Variants in PALS2 observed in about 807,000 individuals in gnomAD.
PALS2 encodes protein associated with LIN7 2, MAGUK p55 family member.
A neutral mutation model predicts 61.6 loss-of-function variants in PALS2; 27 were observed. The observed-to-expected ratio is 0.44, with a 90% CI of 0.32 to 0.60. The LOEUF (loss-of-function observed/expected upper bound fraction) is 0.60, where lower values mean the gene tolerates loss of function less well. Among genes scored for constraint, PALS2 ranks in the 20% least tolerant of loss-of-function variants. PALS2 has a pLI of 0.05. For missense variants in PALS2, 554 were observed against 639.4 expected, an observed-to-expected ratio of 0.87 and a Z score of 1.44; for synonymous variants, 236 against 218.6, an observed-to-expected ratio of 1.08 and a Z score of -0.70.
In PALS2 at chr7:24,688,776, T is replaced by C. The variant is rs902661448; in HGVS notation, c.*1162T>C. The C allele has an allele frequency of 6.6e-6, 1 of 150,654 alleles. No homozygotes were observed. The highest frequency in any genetic ancestry group is 2.4e-5 in the African/African-American group (1 of 41,164). 9.3% of individuals were successfully genotyped at this position (150,654 alleles called of 1,614,324 possible). A position where few individuals can be genotyped will look rare whatever the true frequency, so the allele number is the denominator to read the frequency against. On this transcript the variant is annotated 3_prime_UTR_variant, in exon 12 of 12. Transcript: ENST00000222644. ...TATATAATATATATAAAATGTTTTG[T>C]ATATTTTTTACATATCTGTTAAAAA...
intron 9 of PALS2, among the ~76,000 whole-genome samples, chr7:24,675,761 T>C (rs921383878): frequency 7.7e-6 from 1 of 129,522 alleles, no homozygotes; most frequent in Non-Finnish European, 1.6e-5. Flanking sequence ...ATGGTGTATA[T>C]GTGCCACATT....
At position 24,679,280 on chromosome 7, in the gene PALS2, ATTC is replaced by A. The variant is rs1242013692; in HGVS notation, c.1267_1269del (p.Leu423del). ...TCTCTATGGAACCAAAATTGATTCT[ATTC>A]TTGAGGTTGTCCAAACTGGACGGAC... On this transcript the variant is annotated inframe_deletion, in exon 10 of 12. Coordinates refer to ENST00000222644, the MANE Select transcript of PALS2 (RefSeq NM_001303037.2). 6.2e-7 allele frequency: 1 copy of A among 1,614,002 alleles called. No homozygotes were observed. The highest frequency in any genetic ancestry group is 1.7e-5 in the Admixed American group (1 of 60,006).
chr7:24,668,550 C>T lies in PALS2; in HGVS notation c.1004C>T (p.Pro335Leu). ...TATGAGGAGGTAGCCAAAATGCCTC[C>T]CTTCCAGAGAAAAACATTAGTATTG... The part of the protein sequence containing the change: ...QIYEEVAKMP[P>L]FQRKTLVLIG... The change falls in exon 9 of 12, where the codon CCC becomes CTC. Residue 335 changes from proline to leucine, a missense_variant. Coordinates refer to ENST00000222644, the MANE Select transcript of PALS2 (RefSeq NM_001303037.2). 6.2e-7 allele frequency: 1 copy of T among 1,613,634 alleles called. No homozygotes were observed.
At chr7:24,651,544 T>C (rs1266643187) in intron 5 of PALS2, among the ~76,000 whole-genome samples, 2 of 152,178 alleles carry the variant, frequency 1.3e-5, no homozygotes, top group Non-Finnish European at 2.9e-5. Context: ...TAATGAGTGC[T>C]CAAGAAGTGG....
At chr7:24,590,843 G>T (rs1476285925) in intron 1 of PALS2, among the ~76,000 whole-genome samples, 1 of 140,260 alleles carries the variant, frequency 7.1e-6, no homozygotes, top group Admixed American at 7.0e-5. Context: ...TATTCTTGGG[G>T]ACTTTTTTTT....
chr7:24,673,336 A>G (rs1583990711), intron 9 of PALS2, among the ~76,000 whole-genome samples: 1 of 152,110 alleles, frequency 6.6e-6, no homozygotes, highest in Non-Finnish European at 1.5e-5. Context: ...ATCTATATTT[A>G]TAAGGGATAT....
intron 5 of PALS2, among the ~76,000 whole-genome samples, chr7:24,652,053 T>C (rs570807845): frequency 1.2e-4 from 18 of 152,310 alleles, no homozygotes; most frequent in Admixed American, 1.0e-3. Flanking sequence ...TACTTAGACA[T>C]TTCATATCAC....
Position 24,596,036 on chromosome 7 carries a change from T to C in PALS2, c.-3+22443T>C, listed in dbSNP as rs763029303. On this transcript the variant is annotated intron_variant, in intron 1 of 11. Transcript: ENST00000222644. This position sits in a 1 kb window ranked among gnomAD's most constrained non-coding sequence, Gnocchi z 4.5. Reference sequence around the variant, plus strand: ...GCAGAGAGGTACAGTGGGTGACAAATCATGAAGGCGCTAAGCGGCCATGGT... The same window carrying C: ...GCAGAGAGGTACAGTGGGTGACAAACCATGAAGGCGCTAAGCGGCCATGGT... Among the ~76,000 whole-genome samples, 46 of 151,960 alleles carry C rather than the reference T, an allele frequency of 3.0e-4. No homozygotes were observed. Among genetic ancestry groups the C allele is most frequent in the Admixed American group, 1.1e-3 (17 of 15,242 alleles).
intron 1 of PALS2, among the ~76,000 whole-genome samples, chr7:24,599,137 T>A (rs1355920733): frequency 2.6e-5 from 4 of 152,130 alleles, no homozygotes; most frequent in Non-Finnish European, 5.9e-5. Context: ...AAACATAGAT[T>A]GTACTAACAC....
chr7:24,603,302 G>C (rs1245462225), intron 1 of PALS2, among the ~76,000 whole-genome samples: 1 of 152,212 alleles, frequency 6.6e-6, no homozygotes, highest in East Asian at 1.9e-4. Flanking sequence ...ACTTGATTCA[G>C]GCTAGGGAAG....
At chr7:24,606,603 T>A (rs1783908574) in intron 1 of PALS2, among the ~76,000 whole-genome samples, 1 of 152,002 alleles carries the variant, frequency 6.6e-6, no homozygotes, top group African/African-American at 2.4e-5. Flanking sequence ...TTAATTAGGT[T>A]TTTTTTTGTT....
chr7:24,677,761 T>G (rs1398200360), intron 9 of PALS2, among the ~76,000 whole-genome samples: 1 of 152,196 alleles, frequency 6.6e-6, no homozygotes, highest in Non-Finnish European at 1.5e-5. Context: ...AAAGCCATCA[T>G]AGCATCTTGA....
chr7:24,640,746 T>C (rs185493836), intron 2 of PALS2, among the ~76,000 whole-genome samples: 4,658 of 152,188 alleles, frequency 0.031, 93 homozygotes, highest in South Asian at 0.078. Context: ...CGGTGGCTCA[T>C]GCCTGTAATC....
chr7:24,601,913 C>T (rs1783733571), intron 1 of PALS2, among the ~76,000 whole-genome samples: 1 of 151,980 alleles, frequency 6.6e-6, no homozygotes, highest in Non-Finnish European at 1.5e-5. Flanking sequence ...TAATATGAGT[C>T]CATTTTCATC....
intron 1 of PALS2, among the ~76,000 whole-genome samples, chr7:24,582,963 C>G (rs151310606): frequency 7.7e-6 from 1 of 130,706 alleles, no homozygotes. Context: ...GGCGTGATCT[C>G]GGCTCACTGC....
rs1476087274 is a variant in PALS2 at position 24,647,829 on chromosome 7, C to T, written c.271-1783C>T. ...TTCAGTGTTTTAATCTTTTACAATC[C>T]CTACTTTTGATTTTCAAATTGCCGT... On this transcript the variant is annotated intron_variant, in intron 3 of 11. Transcript: ENST00000222644. Among the ~76,000 whole-genome samples the T allele has an allele frequency of 5.9e-5, 9 of 151,990 alleles. No individual in the cohort carries two copies. In the East Asian group the frequency reaches 1.7e-3, roughly 29 times the overall value.
At chr7:24,602,992 C>T (rs1783773060) in intron 1 of PALS2, among the ~76,000 whole-genome samples, 2 of 152,152 alleles carry the variant, frequency 1.3e-5, no homozygotes, top group African/African-American at 2.4e-5. Flanking sequence ...TTTCCTGAGG[C>T]TGGGGAGCCA....
chr7:24,692,883 G>A lies in PALS2; in HGVS notation c.*5269G>A, dbSNP rs371473967. 5 of 152,062 alleles carry A rather than the reference G, an allele frequency of 3.3e-5. No individual in the cohort carries two copies. The South Asian group carries it at 1.0e-3, about 32-fold the overall frequency. 9.4% of individuals were successfully genotyped at this position (152,062 alleles called of 1,614,324 possible). A position where few individuals can be genotyped will look rare whatever the true frequency, so the allele number is the denominator to read the frequency against. Reference sequence around the variant, plus strand: ...TTACCCATACCATTAATTTAAAAAGGCATCTATTTCTTTATAGAAAGAAAC... The same window carrying A: ...TTACCCATACCATTAATTTAAAAAGACATCTATTTCTTTATAGAAAGAAAC... On this transcript the variant is annotated 3_prime_UTR_variant, in exon 12 of 12. Transcript: ENST00000222644.
chr7:24,669,875 C>T (rs17273958), intron 9 of PALS2, among the ~76,000 whole-genome samples: 7,203 of 152,230 alleles, frequency 0.047, 184 homozygotes, highest in Non-Finnish European at 0.058. Flanking sequence ...CTGTAATCAA[C>T]GTATGTTAAA....
Sources: allele counts gnomAD v4.1 joint callset (sites outside exome capture counted in the v4.1 genomes callset), GRCh38; gene constraint gnomAD v4.1.1; non-coding constraint Gnocchi (gnomAD v3.1); transcripts MANE v1.5; gene names NCBI Gene and HGNC (gene_info 2026-07-23, HGNC 2026-07-21).